The following PPP2R2B variants were observed in gnomAD, a reference collection of about 807,000 sequenced individuals.
The protein encoded by PPP2R2B is protein phosphatase 2 regulatory subunit Bbeta.
Under a neutral mutation model 46.0 loss-of-function variants are expected in PPP2R2B, and 5 were observed. The ratio of observed to expected loss-of-function variants is 0.11; its 90% CI spans 0.06 to 0.23. PPP2R2B has a LOEUF of 0.23. Among genes scored for constraint, PPP2R2B ranks in the 10% least tolerant of loss-of-function variants. The probability of loss-of-function intolerance (pLI) is 1.00; values close to 1 mark genes in which losing one functional copy is unlikely to be tolerated. For synonymous variants in PPP2R2B, 215 were observed against 206.7 expected (o/e 1.04, Z -0.34); for missense variants, 367 against 575.0 (o/e 0.64, Z 3.70).
chr5:146,864,816 A>C lies in PPP2R2B; in HGVS notation c.70+13186T>G, dbSNP rs572192149. Among the ~76,000 whole-genome samples the C allele has an allele frequency of 2.1e-3, 315 of 152,294 alleles. 1 individual carries two copies. The highest frequency in any genetic ancestry group is 6.9e-3 in the African/African-American group (287 of 41,570). On this transcript the variant is annotated intron_variant, in intron 2 of 9. Coordinates refer to ENST00000394411, the MANE Select transcript of PPP2R2B (RefSeq NM_181675.4). ...GAATTTTTTCTCTGATCTTCACCCC[A>C]CATAAGTTTCCTAGGATAAACTTAA...
intron 2 of PPP2R2B, among the ~76,000 whole-genome samples, chr5:146,709,075 T>A (rs1370818929): frequency 1.3e-5 from 2 of 152,238 alleles, no homozygotes; most frequent in Non-Finnish European, 2.9e-5. Flanking sequence ...CAGAATTGTT[T>A]CCTCTGTCAT....
intron 2 of PPP2R2B, among the ~76,000 whole-genome samples, chr5:146,775,073 T>G (rs149001693): frequency 6.6e-6 from 1 of 152,088 alleles, no homozygotes; most frequent in Non-Finnish European, 1.5e-5. Context: ...TTAACACCAA[T>G]CCTTCTCAAA....
chr5:147,058,186 A>G (rs1757149116), upstream of PPP2R2B, among the ~76,000 whole-genome samples: 1 of 152,214 alleles, frequency 6.6e-6, no homozygotes, highest in Non-Finnish European at 1.5e-5. Context: ...ATAAATCAAT[A>G]TATATGGGTA....
Position 146,800,258 on chromosome 5 carries a change from C to T in PPP2R2B, c.70+77744G>A, listed in dbSNP as rs140798901. ...TAATATTACTGACTTGTACTGATTA[C>T]CTATCTATGGATCAAGCATTCTGGT... On this transcript the variant is annotated intron_variant, in intron 2 of 9. Transcript: ENST00000394411. Among the ~76,000 whole-genome samples the T allele has an allele frequency of 7.2e-5, 11 of 152,124 alleles. No homozygotes were observed. In the East Asian group the frequency reaches 1.9e-3, roughly 27 times the overall value.
chr5:146,781,983 C>A (rs1382561226), intron 2 of PPP2R2B, among the ~76,000 whole-genome samples: 2 of 152,140 alleles, frequency 1.3e-5, no homozygotes, highest in Admixed American at 6.5e-5. Flanking sequence ...TGGTTTAACA[C>A]CATTTCCCTT....
intron 2 of PPP2R2B, among the ~76,000 whole-genome samples, chr5:146,780,688 A>C (rs1042174297): frequency 2.6e-5 from 4 of 152,200 alleles, no homozygotes; most frequent in Non-Finnish European, 5.9e-5. Flanking sequence ...AATCACTAGG[A>C]ATCCCTGTGC....
At position 146,806,058 on chromosome 5, in the gene PPP2R2B, C is replaced by T. The variant is rs182740469; in HGVS notation, c.70+71944G>A. Among the ~76,000 whole-genome samples, 148 of 152,302 alleles carry T rather than the reference C, an allele frequency of 9.7e-4. No homozygotes were observed. The East Asian group carries it at 0.016, about 16-fold the overall frequency. On this transcript the variant is annotated intron_variant, in intron 2 of 9. Coordinates refer to ENST00000394411, the MANE Select transcript of PPP2R2B (RefSeq NM_181675.4). Reference sequence around the variant, plus strand: ...TGGGAGGCTTGCAGATAACATTTTACTCATCCTGAAAATACATTTGTGAAT... The same window carrying T: ...TGGGAGGCTTGCAGATAACATTTTATTCATCCTGAAAATACATTTGTGAAT...
At chr5:146,768,994 C>T (rs991548332) in intron 2 of PPP2R2B, among the ~76,000 whole-genome samples, 1 of 151,932 alleles carries the variant, frequency 6.6e-6, no homozygotes, top group Non-Finnish European at 1.5e-5. Context: ...TCTCCTGCCT[C>T]AGCCTCCCAA....
At chr5:146,602,602 A>G (rs985800335) in intron 7 of PPP2R2B, among the ~76,000 whole-genome samples, 2 of 152,194 alleles carry the variant, frequency 1.3e-5, no homozygotes, top group Non-Finnish European at 2.9e-5. Flanking sequence ...ATGCACTCGC[A>G]TAGTCAGTAA....
At chr5:146,870,768 C>G (rs1258812607) in intron 2 of PPP2R2B, among the ~76,000 whole-genome samples, 2 of 152,060 alleles carry the variant, frequency 1.3e-5, no homozygotes, top group Non-Finnish European at 2.9e-5. Context: ...ATCTTTTTTC[C>G]CCTTACACAC....
chr5:146,900,731 A>G (rs1434071730), intron 1 of PPP2R2B, among the ~76,000 whole-genome samples: 1 of 151,688 alleles, frequency 6.6e-6, no homozygotes, highest in African/African-American at 2.4e-5. Flanking sequence ...TCAACCCATT[A>G]CCTAGGTATT....
intron 1 of PPP2R2B, among the ~76,000 whole-genome samples, chr5:146,896,111 G>A (rs1762636560): frequency 6.6e-6 from 1 of 152,056 alleles, no homozygotes; most frequent in Admixed American, 6.5e-5. Context: ...GGCTTTTGGA[G>A]TTACACAAAC....
intron 2 of PPP2R2B, among the ~76,000 whole-genome samples, chr5:146,705,469 T>A (rs1408272722): frequency 6.6e-6 from 1 of 152,146 alleles, no homozygotes; most frequent in African/African-American, 2.4e-5. Context: ...GGAGGTAGGA[T>A]GTGTATCATT....
intron 1 of PPP2R2B, among the ~76,000 whole-genome samples, chr5:146,942,796 T>G (rs2151830185): frequency 6.6e-6 from 1 of 151,960 alleles, no homozygotes; most frequent in African/African-American, 2.4e-5. Context: ...TAAATGTGAA[T>G]CCATAGTTTT....
At chr5:147,075,101 C>A (rs1757724889) in intron 2 of PPP2R2B, among the ~76,000 whole-genome samples, 1 of 152,086 alleles carries the variant, frequency 6.6e-6, no homozygotes, top group Admixed American at 6.5e-5. Flanking sequence ...TTCCCTTGTA[C>A]AAAATCAGAC....
chr5:146,676,581 C>G (rs1485013341), intron 5 of PPP2R2B, among the ~76,000 whole-genome samples: 1 of 152,166 alleles, frequency 6.6e-6, no homozygotes, highest in Non-Finnish European at 1.5e-5. Flanking sequence ...CCTCTGCTCT[C>G]CCTGAAAAGA....
chr5:146,947,869 C>A (rs757141070), intron 1 of PPP2R2B, among the ~76,000 whole-genome samples: 1 of 151,576 alleles, frequency 6.6e-6, no homozygotes, highest in Non-Finnish European at 1.5e-5. Context: ...AATGCCCTTG[C>A]GTTCTCTTCT....
intron 2 of PPP2R2B, among the ~76,000 whole-genome samples, chr5:146,829,866 AG>A (rs1437308695): frequency 2.0e-5 from 3 of 152,128 alleles, no homozygotes; most frequent in Non-Finnish European, 2.9e-5. Flanking sequence ...CAAATTGGCT[AG>A]TAGTTTAGGT....
intron 2 of PPP2R2B, among the ~76,000 whole-genome samples, chr5:146,716,339 C>G (rs1780496902): frequency 6.6e-6 from 1 of 152,102 alleles, no homozygotes; most frequent in Admixed American, 6.6e-5. Flanking sequence ...TGTACTTGTT[C>G]TATTTTCCTA....
Sources: gnomAD v4.1 joint callset for allele counts (sites outside exome capture counted in the v4.1 genomes callset) on GRCh38, gnomAD v4.1.1 for gene constraint, MANE v1.5 for transcripts, NCBI Gene and HGNC (gene_info 2026-07-23, HGNC 2026-07-21) for gene names.